The following GDPD1 variants were observed in gnomAD, a reference collection of about 807,000 sequenced individuals.
GDPD1 encodes the protein lysophospholipase D GDPD1.
GDPD1 carries 28 observed loss-of-function variants against 45.1 expected under a neutral mutation model. The observed-to-expected ratio is 0.62, with a 90% CI of 0.46 to 0.85. The LOEUF is 0.85. Ranked by LOEUF, GDPD1 falls within the 40% of genes least tolerant of loss-of-function variation. The probability of loss-of-function intolerance (pLI) is 0.00; values close to 1 mark genes in which losing one functional copy is unlikely to be tolerated. For synonymous variants in GDPD1, 139 were observed against 131.4 expected, an observed-to-expected ratio of 1.06 and a Z score of -0.40; for missense variants, 256 against 364.8, an observed-to-expected ratio of 0.70 and a Z score of 2.43.
At chr17:59,252,981 G>A (rs1187815247) in intron 4 of GDPD1, among the ~76,000 whole-genome samples, 2 of 152,136 alleles carry the variant, frequency 1.3e-5, no homozygotes, top group African/African-American at 4.8e-5. Flanking sequence ...GCAACAGATC[G>A]AGACTGTCTC....
intron 6 of GDPD1, among the ~76,000 whole-genome samples, chr17:59,263,368 T>A (rs1384094384): frequency 6.6e-6 from 1 of 152,142 alleles, no homozygotes; most frequent in Admixed American, 6.6e-5. Context: ...AACTTTTCCC[T>A]TGATTTCCAT....
chr17:59,270,356 G>A (rs2147908350), intron 7 of GDPD1, among the ~76,000 whole-genome samples: 1 of 150,274 alleles, frequency 6.7e-6, no homozygotes. Flanking sequence ...ACCATGCCCG[G>A]CTAATTTTTA....
rs181190235 is a variant in GDPD1 at position 59,245,932 on chromosome 17, C to T, written c.321+383C>T. 2.4e-4 allele frequency among the ~76,000 whole-genome samples: 37 copies of T among 151,990 alleles called. No individual in the cohort carries two copies. In the East Asian group the frequency reaches 6.2e-3, roughly 26 times the overall value. Reference sequence around the variant, plus strand: ...GGTCAGGAGTTCGAGACCAGCCTGGCCAACATGGTGAAACCCCATCTCTAC... The same window carrying T: ...GGTCAGGAGTTCGAGACCAGCCTGGTCAACATGGTGAAACCCCATCTCTAC... On this transcript the variant is annotated intron_variant, in intron 3 of 9. Transcript: ENST00000284116.
rs900959797 is a variant in GDPD1 at position 59,275,082 on chromosome 17, T to C, written c.*1309T>C. On this transcript the variant is annotated 3_prime_UTR_variant, in exon 10 of 10. Transcript: ENST00000284116. ...GTCTCGAACTCCTGACCTCAGGTGA[T>C]CCACCCACCTCGGCCTCTCAAAGTG... 65 of 1,234,482 alleles carry C rather than the reference T, an allele frequency of 5.3e-5. No individual in the cohort carries two copies. Among genetic ancestry groups the C allele is most frequent in the Non-Finnish European group, 7.3e-5 (64 of 872,612 alleles). 76.5% of individuals were successfully genotyped at this position (1,234,482 alleles called of 1,614,324 possible).
intron 1 of GDPD1, among the ~76,000 whole-genome samples, chr17:59,230,188 C>A (rs1037367921): frequency 6.6e-6 from 1 of 151,500 alleles, no homozygotes; most frequent in African/African-American, 2.4e-5. Context: ...CTATATATGA[C>A]CTGAAGAAAA....
At chr17:59,249,858 T>A (rs2047239807) in intron 4 of GDPD1, among the ~76,000 whole-genome samples, 1 of 152,174 alleles carries the variant, frequency 6.6e-6, no homozygotes, top group African/African-American at 2.4e-5. Context: ...ATTAATTTTT[T>A]AAAAGAACTA....
At chr17:59,260,007 G>A (rs2047341910) in intron 6 of GDPD1, among the ~76,000 whole-genome samples, 2 of 121,068 alleles carry the variant, frequency 1.7e-5, no homozygotes, top group African/African-American at 3.1e-5. Flanking sequence ...GTTGCAGTGA[G>A]CCAAGATCCT....
intron 6 of GDPD1, among the ~76,000 whole-genome samples, chr17:59,261,730 C>T (rs1388733687): frequency 6.6e-6 from 1 of 151,580 alleles, no homozygotes; most frequent in Non-Finnish European, 1.5e-5. Flanking sequence ...AATTCCTGGC[C>T]TCAAGTGATC....
intron 1 of GDPD1, among the ~76,000 whole-genome samples, chr17:59,224,550 G>T (rs1359317994): frequency 1.3e-5 from 2 of 151,492 alleles, no homozygotes; most frequent in Non-Finnish European, 2.9e-5. Flanking sequence ...GCGTGAACCC[G>T]GGAGGCGGAG....
intron 4 of GDPD1, among the ~76,000 whole-genome samples, chr17:59,251,145 G>T (rs1024794714): frequency 1.3e-5 from 2 of 152,124 alleles, no homozygotes; most frequent in African/African-American, 4.8e-5. Context: ...CTTGAACTAG[G>T]TCTCTATCTT....
At chr17:59,252,648 A>G (rs1407407102) in intron 4 of GDPD1, among the ~76,000 whole-genome samples, 2 of 152,032 alleles carry the variant, frequency 1.3e-5, no homozygotes, top group East Asian at 3.9e-4. Flanking sequence ...CAGTGAGCAG[A>G]GATCGTGCCA....
At chr17:59,229,385 C>T (rs1220410444) in intron 1 of GDPD1, among the ~76,000 whole-genome samples, 4 of 151,534 alleles carry the variant, frequency 2.6e-5, no homozygotes. Flanking sequence ...CCACCATACC[C>T]AGCTAATTTT....
rs568141438 is a variant in GDPD1, at chr17:59,263,565, A to G, written c.577-3476A>G. Among the ~76,000 whole-genome samples, 3 of 128,772 alleles carry G rather than the reference A, an allele frequency of 2.3e-5. No homozygotes were observed. The South Asian group carries it at 7.3e-4, about 31-fold the overall frequency. The allele number at this position is 128,772 out of a possible 152,430, so 84.5% of individuals were successfully genotyped here. On this transcript the variant is annotated intron_variant, in intron 6 of 9. Transcript: ENST00000284116. ...GCAATCTCGGCTCACCACAACCTCC[A>G]CCTCCCGGGTTCAAGCGATTCTCCT...
At chr17:59,254,220 G>A (rs1011836084) in intron 4 of GDPD1, among the ~76,000 whole-genome samples, 2 of 152,064 alleles carry the variant, frequency 1.3e-5, no homozygotes, top group African/African-American at 2.4e-5. Context: ...AATTAGCCAG[G>A]CGTGGTGGCA....
rs550326567 is a variant in GDPD1 at position 59,260,143 on chromosome 17, C to T, written c.576+2303C>T. On this transcript the variant is annotated intron_variant, in intron 6 of 9. Coordinates refer to ENST00000284116, the MANE Select transcript of GDPD1 (RefSeq NM_182569.4). The stretch of plus-strand genomic sequence containing the variant: ...TTAGCTTCTTTTTACCCTAAACTTC[C>T]AAATAGATTTAAGCAAGTTAAGCCA... Among the ~76,000 whole-genome samples the T allele has an allele frequency of 2.1e-5, 3 of 140,718 alleles. No individual in the cohort carries two copies. The South Asian group carries it at 7.2e-4, about 34-fold the overall frequency. 92.3% of individuals were successfully genotyped at this position (140,718 alleles called of 152,430 possible). A position where few individuals can be genotyped will look rare whatever the true frequency, so the allele number is the denominator to read the frequency against.
intron 9 of GDPD1, chr17:59,273,069 C>A (rs945779006): frequency 3.3e-6 from 2 of 607,412 alleles, no homozygotes; most frequent in African/African-American, 3.8e-5. Context: ...AGGGGTGGGA[C>A]AGTGTTTGTG....
intron 1 of GDPD1, among the ~76,000 whole-genome samples, chr17:59,231,893 G>A (rs1198771626): frequency 6.6e-6 from 1 of 152,044 alleles, no homozygotes; most frequent in Non-Finnish European, 1.5e-5. Flanking sequence ...CTCCCAAAAT[G>A]CTAGGATTAT....
At chr17:59,241,575 C>A (rs2047175858) in intron 2 of GDPD1, among the ~76,000 whole-genome samples, 1 of 152,016 alleles carries the variant, frequency 6.6e-6, no homozygotes, top group African/African-American at 2.4e-5. Context: ...GCCTTGGCCT[C>A]CCAAAGTGCT....
Position 59,248,802 on chromosome 17 carries a change from G to A in GDPD1, c.367+17G>A. 1 of 1,583,554 alleles carries A rather than the reference G, an allele frequency of 6.3e-7. No individual in the cohort carries two copies. The highest frequency in any genetic ancestry group is 1.3e-5 in the African/African-American group (1 of 74,264). ...TTCAAAGAGGTAATATTTTTTGTTT[G>A]TGGCTTAAACATTTGTGTTGAGAAG... is the stretch of plus-strand genomic sequence containing the variant. On this transcript the variant is annotated intron_variant, in intron 4 of 9. Transcript: ENST00000284116.
Sources: gnomAD v4.1 joint callset for allele counts (sites outside exome capture counted in the v4.1 genomes callset) on GRCh38, gnomAD v4.1.1 for gene constraint, MANE v1.5 for transcripts, NCBI Gene and HGNC (gene_info 2026-07-23, HGNC 2026-07-21) for gene names.